SNTG2: variants seen among roughly 807,000 people sequenced by gnomAD.
SNTG2 encodes gamma-2-syntrophin.
Under a neutral mutation model 70.9 loss-of-function variants are expected in SNTG2, and 74 were observed. That is an observed-to-expected ratio of 1.04 (90% confidence interval 0.86 to 1.27). The LOEUF (loss-of-function observed/expected upper bound fraction) is 1.27. SNTG2 is among the 50% of genes most tolerant of loss of function. SNTG2 has a pLI of 0.00. For synonymous variants in SNTG2, 278 were observed against 273.8 expected (o/e 1.02, Z -0.15); for missense variants, 717 against 690.7 (o/e 1.04, Z -0.43).
At chr2:1,347,024 C>T (rs954496987) in intron 16 of SNTG2, among the ~76,000 whole-genome samples, 1 of 151,802 alleles carries the variant, frequency 6.6e-6, no homozygotes, top group Non-Finnish European at 1.5e-5. Context: ...AAAATCTGTT[C>T]AAGGGGATTT....
intron 1 of SNTG2, among the ~76,000 whole-genome samples, chr2:981,634 C>A (rs969723396): frequency 2.6e-5 from 4 of 152,078 alleles, no homozygotes; most frequent in Non-Finnish European, 5.9e-5. Context: ...CACACAGGTG[C>A]ACAGACGTGT....
chr2:1,194,931 T>C (rs1034124333), intron 8 of SNTG2, among the ~76,000 whole-genome samples: 2 of 152,280 alleles, frequency 1.3e-5, no homozygotes, highest in Non-Finnish European at 2.9e-5. Context: ...CCTGTGTCCA[T>C]GTGTTCTCAT....
In SNTG2 at chr2:1,256,866, G is replaced by A. The variant is rs542057330; in HGVS notation, c.1006-2504G>A. On this transcript the variant is annotated intron_variant, in intron 12 of 16. Transcript: ENST00000308624. ...GAGGGGAGGGAGACCTGCCACGGCT[G>A]TCAGGAAAAGCCTCAGGGCTGGGTC... Among the ~76,000 whole-genome samples, 7 of 152,264 alleles carry A rather than the reference G, an allele frequency of 4.6e-5. No individual in the cohort carries two copies. In the South Asian group the frequency reaches 1.2e-3, roughly 27 times the overall value.
At chr2:1,232,743 AATAAT>A (rs1362835334) in intron 9 of SNTG2, among the ~76,000 whole-genome samples, 1 of 152,266 alleles carries the variant, frequency 6.6e-6, no homozygotes, top group Non-Finnish European at 1.5e-5. Context: ...TGTACTAAAA[AATAAT>A]ATACTACAGA....
intron 1 of SNTG2, among the ~76,000 whole-genome samples, chr2:1,023,447 A>G (rs1042904752): frequency 1.3e-5 from 2 of 152,192 alleles, no homozygotes; most frequent in East Asian, 1.9e-4. Flanking sequence ...AGAATGTGCA[A>G]ATAGTTGATG....
At chr2:1,145,239 A>G (rs2147787707) in intron 6 of SNTG2, among the ~76,000 whole-genome samples, 1 of 152,270 alleles carries the variant, frequency 6.6e-6, no homozygotes, top group Non-Finnish European at 1.5e-5. Flanking sequence ...AAAATAAATG[A>G]TGAAAATTAG....
Position 951,173 on chromosome 2 carries a change from G to C in SNTG2, c.72+105G>C, listed in dbSNP as rs1237297018. 1.7e-5 allele frequency: 9 copies of C among 518,188 alleles called. No homozygotes were observed. The East Asian group carries it at 3.4e-4, about 19-fold the overall frequency. The allele number at this position is 518,188 out of a possible 1,614,324, so 32.1% of individuals were successfully genotyped here. A position where few individuals can be genotyped will look rare whatever the true frequency, so the allele number is the denominator to read the frequency against. The stretch of plus-strand genomic sequence containing the variant: ...CCCTCCACGCCCCCTCGCTCCCCGC[G>C]ACCCCTTCCCTGTCTCCGGGGACGG... On this transcript the variant is annotated intron_variant, in intron 1 of 16. Transcript: ENST00000308624.
intron 1 of SNTG2, among the ~76,000 whole-genome samples, chr2:1,021,542 T>A (rs1347213832): frequency 2.6e-5 from 4 of 152,140 alleles, no homozygotes; most frequent in East Asian, 1.9e-4. Flanking sequence ...ATATATTTTT[T>A]AATATTTTAC....
intron 6 of SNTG2, among the ~76,000 whole-genome samples, chr2:1,146,117 A>G (rs1669085612): frequency 6.6e-6 from 1 of 152,208 alleles, no homozygotes; most frequent in African/African-American, 2.4e-5. Flanking sequence ...GAGAAACTAG[A>G]TGATTTCCCA....
intron 6 of SNTG2, among the ~76,000 whole-genome samples, chr2:1,157,812 C>T (rs1046074831): frequency 6.6e-6 from 1 of 152,066 alleles, no homozygotes; most frequent in African/African-American, 2.4e-5. Flanking sequence ...CTCAGCCTGC[C>T]CCGCGGGTGA....
At chr2:1,320,306 G>A (rs927555580) in intron 16 of SNTG2, among the ~76,000 whole-genome samples, 1 of 151,914 alleles carries the variant, frequency 6.6e-6, no homozygotes, top group African/African-American at 2.4e-5. Flanking sequence ...AGGCTGAGGC[G>A]GGTGAATCAT....
intron 1 of SNTG2, among the ~76,000 whole-genome samples, chr2:1,061,214 G>A (rs1476769239): frequency 6.6e-6 from 1 of 152,032 alleles, no homozygotes; most frequent in Non-Finnish European, 1.5e-5. Context: ...AGGTGAACAG[G>A]TTAAAGAGAT....
At chr2:1,306,185 G>A (rs967892075) in intron 14 of SNTG2, among the ~76,000 whole-genome samples, 8 of 152,142 alleles carry the variant, frequency 5.3e-5, no homozygotes, top group Non-Finnish European at 8.8e-5. Context: ...CACTCATTGT[G>A]ATCTGCTCTC....
At chr2:1,268,275 G>A (rs1452933269) in intron 14 of SNTG2, among the ~76,000 whole-genome samples, 1 of 152,216 alleles carries the variant, frequency 6.6e-6, no homozygotes, top group Non-Finnish European at 1.5e-5. Context: ...CCGCCTGGCT[G>A]AGCGCGGAGA....
At chr2:1,206,479 C>T (rs1673641074) in intron 8 of SNTG2, among the ~76,000 whole-genome samples, 1 of 152,182 alleles carries the variant, frequency 6.6e-6, no homozygotes, top group Admixed American at 6.5e-5. Flanking sequence ...TTCTCCTTGG[C>T]CCTCAGTAGA....
At chr2:1,143,477 C>T (rs1466386648) in intron 6 of SNTG2, among the ~76,000 whole-genome samples, 3 of 151,860 alleles carry the variant, frequency 2.0e-5, no homozygotes, top group Non-Finnish European at 4.4e-5. Flanking sequence ...GGGAGCAGCT[C>T]CAGGAATTCT....
intron 4 of SNTG2, 120 bp from the exon 5 acceptor site, chr2:1,137,502 G>A: frequency 2.2e-5 from 19 of 845,344 alleles, no homozygotes; most frequent in Non-Finnish European, 3.4e-5. Context: ...GTGGACACAT[G>A]CACACACACA....
intron 1 of SNTG2, among the ~76,000 whole-genome samples, chr2:1,060,125 G>C (rs967756719): frequency 4.6e-5 from 7 of 152,142 alleles, no homozygotes; most frequent in African/African-American, 7.2e-5. Flanking sequence ...GTGTAGGAAA[G>C]ATGTTTAACA....
chr2:1,056,138 G>A (rs1006198430), intron 1 of SNTG2, among the ~76,000 whole-genome samples: 1 of 151,888 alleles, frequency 6.6e-6, no homozygotes, highest in Admixed American at 6.6e-5. Flanking sequence ...CCAAGAGCAC[G>A]GGGAGGACTC....
Sources: gnomAD v4.1 joint callset for allele counts (sites outside exome capture counted in the v4.1 genomes callset) on GRCh38, gnomAD v4.1.1 for gene constraint, MANE v1.5 for transcripts, NCBI Gene and HGNC (gene_info 2026-07-23, HGNC 2026-07-21) for gene names.